The following KIAA1217 variants were observed in gnomAD, a reference collection of about 807,000 sequenced individuals.
KIAA1217 encodes the protein KIAA1217.
Under a neutral mutation model 163.9 loss-of-function variants are expected in KIAA1217, and 88 were observed. The ratio of observed to expected loss-of-function variants is 0.54; its 90% confidence interval spans 0.45 to 0.64. KIAA1217 has a LOEUF of 0.64. KIAA1217 is among the 30% of genes least tolerant of loss of function. KIAA1217 has a pLI of 0.00. For synonymous variants in KIAA1217, 903 were observed against 923.1 expected, an observed-to-expected ratio of 0.98 and a Z score of 0.39; for missense variants, 2,372 against 2,475.0, an observed-to-expected ratio of 0.96 and a Z score of 0.88.
chr10:23,709,543 A>C, intron 1 of KIAA1217, among the ~76,000 whole-genome samples: 1 of 152,062 alleles, frequency 6.6e-6, no homozygotes, highest in East Asian at 1.9e-4. Flanking sequence ...AAAGAAAAAA[A>C]AAAAATAAAG....
At chr10:23,783,292 A>G (rs962160411) in intron 1 of KIAA1217, among the ~76,000 whole-genome samples, 3 of 152,332 alleles carry the variant, frequency 2.0e-5, no homozygotes, top group Middle Eastern at 3.4e-3. Context: ...GGCCCATGGG[A>G]CACAGGTTGG....
Position 24,263,285 on chromosome 10 carries a change from C to T in KIAA1217, c.354+43376C>T, listed in dbSNP as rs114130593. Among the ~76,000 whole-genome samples the T allele has an allele frequency of 9.5e-3, 1,442 of 152,294 alleles. 20 individuals are homozygous for T. Among genetic ancestry groups the T allele is most frequent in the African/African-American group, 0.032 (1,312 of 41,558 alleles). On this transcript the variant is annotated intron_variant, in intron 2 of 20. Transcript: ENST00000376454. Reference sequence around the variant, plus strand: ...ACTCTTTGTTGGTAGCTAAGGGAAGCGTCTGCATGGAGGTGGCTTAGAATT... The same window carrying T: ...ACTCTTTGTTGGTAGCTAAGGGAAGTGTCTGCATGGAGGTGGCTTAGAATT...
intron 2 of KIAA1217, among the ~76,000 whole-genome samples, chr10:24,230,744 T>A (rs1333546415): frequency 2.0e-5 from 3 of 152,164 alleles, no homozygotes; most frequent in Non-Finnish European, 2.9e-5. Flanking sequence ...TTGCCCAGGC[T>A]GATCTTGAAC....
intron 1 of KIAA1217, among the ~76,000 whole-genome samples, chr10:23,708,779 C>T (rs1054833903): frequency 2.0e-5 from 3 of 152,208 alleles, no homozygotes; most frequent in African/African-American, 7.2e-5. Flanking sequence ...ATGCAAAAAA[C>T]ATATATGGAT....
intron 1 of KIAA1217, among the ~76,000 whole-genome samples, chr10:23,824,661 A>T (rs1837811110): frequency 8.0e-6 from 1 of 125,724 alleles, no homozygotes; most frequent in African/African-American, 3.2e-5. Flanking sequence ...TAAAAAAAAT[A>T]TATATATATA....
At chr10:23,852,743 T>C (rs1839419150) in intron 1 of KIAA1217, among the ~76,000 whole-genome samples, 1 of 152,180 alleles carries the variant, frequency 6.6e-6, no homozygotes. Context: ...CCCTTGTAAG[T>C]TGGATTCCTA....
intron 2 of KIAA1217, among the ~76,000 whole-genome samples, chr10:24,303,611 A>T (rs1168767983): frequency 6.6e-6 from 1 of 152,218 alleles, no homozygotes; most frequent in East Asian, 1.9e-4. Context: ...GATGTCATTT[A>T]CAGAGAATGG....
chr10:24,383,109 A>G (rs1227227495), intron 3 of KIAA1217, among the ~76,000 whole-genome samples: 1 of 151,946 alleles, frequency 6.6e-6, no homozygotes, highest in Non-Finnish European at 1.5e-5. Context: ...AACCTCACAA[A>G]ATGCTGGGAT....
chr10:23,790,544 C>T lies in KIAA1217; in HGVS notation c.-321+95310C>T, dbSNP rs143637220. 1.4e-3 allele frequency among the ~76,000 whole-genome samples: 130 copies of T among 93,480 alleles called. 12 individuals carry two copies. In the East Asian group the frequency reaches 0.02, roughly 14 times the overall value. The allele number at this position is 93,480 out of a possible 152,430, so 61.3% of individuals were successfully genotyped here. On this transcript the variant is annotated intron_variant, in intron 1 of 18. Transcript: ENST00000376462. ...ATATACATATATACATATACATGTG[C>T]ATATATACATATGTACATATGTATA...
intron 1 of KIAA1217, among the ~76,000 whole-genome samples, chr10:23,987,632 CGT>C (rs943268727): frequency 5.3e-5 from 5 of 93,878 alleles, no homozygotes; most frequent in East Asian, 2.4e-4. Flanking sequence ...TGTATGTGTA[CGT>C]GTGTGTGTGT....
intron 5 of KIAA1217, among the ~76,000 whole-genome samples, chr10:24,459,604 A>G (rs2062154967): frequency 6.6e-6 from 1 of 151,890 alleles, no homozygotes; most frequent in Admixed American, 6.6e-5. Flanking sequence ...GAAAGTCTAC[A>G]TGAGATTTCT....
chr10:23,826,159 A>AT (rs898694112), intron 1 of KIAA1217, among the ~76,000 whole-genome samples: 7 of 151,140 alleles, frequency 4.6e-5, no homozygotes, highest in African/African-American at 1.5e-4. Context: ...TTATGTTTGA[A>AT]TTTTTTTTTC....
intron 2 of KIAA1217, among the ~76,000 whole-genome samples, chr10:24,051,301 A>G (rs548888862): frequency 3.3e-4 from 50 of 152,138 alleles, no homozygotes; most frequent in South Asian, 4.1e-4. Flanking sequence ...TTATCCACTC[A>G]TTGGTTGATG....
At chr10:24,414,800 T>G (rs1259184652) in intron 3 of KIAA1217, among the ~76,000 whole-genome samples, 2 of 152,160 alleles carry the variant, frequency 1.3e-5, no homozygotes, top group Non-Finnish European at 2.9e-5. Flanking sequence ...TGTGTGATCT[T>G]GTGGTTGAGA....
chr10:23,818,354 AT>A (rs1307261615), intron 1 of KIAA1217, among the ~76,000 whole-genome samples: 46 of 137,494 alleles, frequency 3.3e-4, no homozygotes, highest in African/African-American at 1.2e-3. Flanking sequence ...ATAAAAAAAT[AT>A]ATATATATAT....
At chr10:24,132,645 A>G (rs1020217038) in intron 2 of KIAA1217, among the ~76,000 whole-genome samples, 23 of 152,230 alleles carry the variant, frequency 1.5e-4, no homozygotes, top group African/African-American at 5.3e-4. Context: ...TTCCAAAGTG[A>G]GGTACCAGAC....
At chr10:24,085,921 CAAG>C (rs930918013) in intron 2 of KIAA1217, among the ~76,000 whole-genome samples, 16 of 151,362 alleles carry the variant, frequency 1.1e-4, no homozygotes, top group African/African-American at 3.9e-4. Flanking sequence ...TGCGGTGGGC[CAAG>C]ATTATGCCAC....
chr10:24,471,154 A>T (rs953390806), intron 5 of KIAA1217, among the ~76,000 whole-genome samples: 1 of 152,280 alleles, frequency 6.6e-6, no homozygotes, highest in East Asian at 1.9e-4. Flanking sequence ...TGGTGCCTCT[A>T]CTATCCCTAC....
chr10:24,192,648 T>G (rs1033776711), intron 2 of KIAA1217, among the ~76,000 whole-genome samples: 1 of 152,234 alleles, frequency 6.6e-6, no homozygotes, highest in Non-Finnish European at 1.5e-5. Flanking sequence ...ACCAGGACTC[T>G]TGAGGTCCCT....
Sources: gnomAD v4.1 joint callset for allele counts (sites outside exome capture counted in the v4.1 genomes callset) on GRCh38, gnomAD v4.1.1 for gene constraint, MANE v1.5 for transcripts, NCBI Gene and HGNC (gene_info 2026-07-23, HGNC 2026-07-21) for gene names.